ITSN2: variants seen among roughly 807,000 people sequenced by gnomAD.
ITSN2 encodes intersectin-2.
Under a neutral mutation model 243.7 loss-of-function variants are expected in ITSN2, and 156 were observed. The ratio of observed to expected loss-of-function variants is 0.64; its 90% CI spans 0.56 to 0.73. The LOEUF is 0.73. Ranked by LOEUF, ITSN2 falls within the 30% of genes least tolerant of loss-of-function variation. The pLI, the probability that ITSN2 is intolerant of heterozygous loss-of-function variation, is 0.00. For missense variants in ITSN2, 1,801 were observed against 1,996.1 expected, an observed-to-expected ratio of 0.90 and a Z score of 1.86; for synonymous variants, 703 against 699.9, an observed-to-expected ratio of 1.00 and a Z score of -0.07.
chr2:24,234,223 G>T (rs2151215643), intron 29 of ITSN2, among the ~76,000 whole-genome samples: 1 of 151,944 alleles, frequency 6.6e-6, no homozygotes, highest in Middle Eastern at 3.4e-3. Context: ...CAATACAATG[G>T]GGCAAAGATA....
chr2:24,347,335 C>A (rs1687626729), intron 1 of ITSN2, among the ~76,000 whole-genome samples: 1 of 151,890 alleles, frequency 6.6e-6, no homozygotes. Flanking sequence ...TTACAAATGA[C>A]AATTTCAAGG....
At chr2:24,266,969 A>G (rs1462978971) in intron 20 of ITSN2, among the ~76,000 whole-genome samples, 3 of 152,056 alleles carry the variant, frequency 2.0e-5, no homozygotes, top group Non-Finnish European at 4.4e-5. Context: ...TAAAATAGCT[A>G]AGCCAGAGCA....
At chr2:24,255,625 C>T (rs947315049) in intron 23 of ITSN2, among the ~76,000 whole-genome samples, 1 of 151,086 alleles carries the variant, frequency 6.6e-6, no homozygotes, top group African/African-American at 2.4e-5. Context: ...GAGACTCTGT[C>T]TTGAAAAATA....
At position 24,300,128 on chromosome 2, in the gene ITSN2, G is replaced by A. The variant is rs755903962; in HGVS notation, c.1125C>T (p.Asn375=). The change falls in exon 12 of 40, where the codon AAC becomes AAT. Residue 375 remains asparagine, a synonymous_variant. Coordinates refer to ENST00000355123, the MANE Select transcript of ITSN2 (RefSeq NM_006277.3). ...DKRKANYERG[N]MELEKRRQAL... is the part of the protein sequence containing the mutation. ...CTTGGCGTCGCTTTTCCAGCTCCAT[G>A]TTCCCTCGCTCATAGTTGGCTTTCC... 1.2e-6 allele frequency: 2 copies of A among 1,613,994 alleles called. No individual in the cohort carries two copies. Among genetic ancestry groups the A allele is most frequent in the South Asian group, 1.1e-5 (1 of 91,082 alleles).
chr2:24,319,946 C>T lies in ITSN2; in HGVS notation c.32-4722G>A, dbSNP rs1362328116. 2.6e-5 allele frequency among the ~76,000 whole-genome samples: 4 copies of T among 152,326 alleles called. No homozygotes were observed. In the East Asian group the frequency reaches 7.7e-4, roughly 29 times the overall value. On this transcript the variant is annotated intron_variant, in intron 2 of 39. Transcript: ENST00000355123. The stretch of plus-strand genomic sequence containing the variant: ...AGTCCTGGAAGGCATTCAGGTCAGC[C>T]TCAACTCACTGGCTAGGGTTGTCAG...
chr2:24,291,127 CTTTTT>C (rs976060295), intron 15 of ITSN2, among the ~76,000 whole-genome samples: 1 of 149,486 alleles, frequency 6.7e-6, no homozygotes, highest in Non-Finnish European at 1.5e-5. Flanking sequence ...ATTCAGGAAT[CTTTTT>C]TTTTTATTTT....
intron 29 of ITSN2, among the ~76,000 whole-genome samples, chr2:24,224,851 A>G (rs1362160113): frequency 6.6e-6 from 1 of 152,158 alleles, no homozygotes; most frequent in Non-Finnish European, 1.5e-5. Flanking sequence ...GCTGGTCTCC[A>G]ACTACTGGCC....
chr2:24,340,239 T>C (rs541713226), intron 1 of ITSN2, among the ~76,000 whole-genome samples: 17 of 152,172 alleles, frequency 1.1e-4, no homozygotes, highest in Non-Finnish European at 1.8e-4. Context: ...CCCAACACTT[T>C]GGGAGGCCGA....
At position 24,225,175 on chromosome 2, in the gene ITSN2, TG is replaced by T. The variant is rs763313788; in HGVS notation, c.3578-4110del. 2.0e-5 allele frequency among the ~76,000 whole-genome samples: 3 copies of T among 152,126 alleles called. No homozygotes were observed. The highest frequency in any genetic ancestry group is 4.4e-5 in the Non-Finnish European group (3 of 68,020). ...CCCCTCCCTTTCCTTCACGCTTCTA[TG>T]TTCACTCTTCGCCATTTCCTTCTTA... On this transcript the variant is annotated intron_variant, in intron 29 of 39. Transcript: ENST00000355123. The surrounding 1 kb of genome is among the most constrained non-coding windows in gnomAD (Gnocchi z 4.2).
intron 3 of ITSN2, among the ~76,000 whole-genome samples, chr2:24,314,044 T>C (rs1443871532): frequency 1.3e-5 from 2 of 152,176 alleles, no homozygotes; most frequent in Non-Finnish European, 2.9e-5. Flanking sequence ...AGGGACAAAC[T>C]TGCTTTACTG....
At chr2:24,334,437 A>T in intron 1 of ITSN2, 1 of 523,290 alleles carries the variant, frequency 1.9e-6, no homozygotes, top group Non-Finnish European at 3.6e-6. Context: ...CCAAGGTTAA[A>T]GTTTTTGTTT....
At chr2:24,292,784 C>T (rs1222196632) in intron 15 of ITSN2, among the ~76,000 whole-genome samples, 1 of 152,214 alleles carries the variant, frequency 6.6e-6, no homozygotes. Context: ...AACCACACTG[C>T]CTAGAATCAG....
chr2:24,277,317 C>G (rs771775449), intron 17 of ITSN2, among the ~76,000 whole-genome samples: 1 of 152,172 alleles, frequency 6.6e-6, no homozygotes, highest in Non-Finnish European at 1.5e-5. Context: ...CACAATAACA[C>G]AACTCCAAAC....
intron 29 of ITSN2, among the ~76,000 whole-genome samples, chr2:24,230,585 T>A (rs1180375136): frequency 6.6e-6 from 1 of 152,056 alleles, no homozygotes; most frequent in African/African-American, 2.4e-5. Context: ...CTGGCCAACA[T>A]GGTGGAACCC....
At chr2:24,347,264 C>T (rs1687622341) in intron 1 of ITSN2, among the ~76,000 whole-genome samples, 2 of 151,950 alleles carry the variant, frequency 1.3e-5, no homozygotes, top group African/African-American at 4.8e-5. Context: ...GCTAATTTAT[C>T]CAAAAATAGA....
chr2:24,240,733 G>A (rs1207076085), intron 29 of ITSN2: 1 of 152,146 alleles, frequency 6.6e-6, no homozygotes, highest in African/African-American at 2.4e-5. Flanking sequence ...ATGACTCTGT[G>A]ATTGTATATA....
chr2:24,261,232 T>C lies in ITSN2; in HGVS notation c.2556A>G (p.Gln852=), dbSNP rs1368582069. The change falls in exon 22 of 40, where the codon CAA becomes CAG. Residue 852 remains glutamine (Q), a synonymous_variant. Coordinates refer to ENST00000355123, the MANE Select transcript of ITSN2 (RefSeq NM_006277.3). The stretch of plus-strand genomic sequence containing the variant: ...TTTGATAATCAGTCACTGATGCTGG[T>C]TGATTTGAAGAAAGTGGTCTGCAAA... ...STSSEPLSSN[Q]PASVTDYQNV... The C allele has an allele frequency of 2.0e-5, 33 of 1,611,786 alleles. No homozygotes were observed. Among genetic ancestry groups the C allele is most frequent in the Admixed American group, 3.3e-5 (2 of 59,926 alleles).
chr2:24,208,634 C>T (rs1669161535), intron 36 of ITSN2, among the ~76,000 whole-genome samples: 1 of 152,216 alleles, frequency 6.6e-6, no homozygotes, highest in South Asian at 2.1e-4. Flanking sequence ...CAGCAGCACC[C>T]CCCGGGTTGG....
At chr2:24,321,873 G>C (rs1190230026) in intron 2 of ITSN2, 1 of 152,092 alleles carries the variant, frequency 6.6e-6, no homozygotes, top group Non-Finnish European at 1.5e-5. Flanking sequence ...TGAGCCCCCA[G>C]CATTAACCTA....
Sources: gnomAD v4.1 joint callset for allele counts (sites outside exome capture counted in the v4.1 genomes callset) on GRCh38, gnomAD v4.1.1 for gene constraint, Gnocchi (gnomAD v3.1) non-coding constraint, MANE v1.5 for transcripts, NCBI Gene and HGNC (gene_info 2026-07-23, HGNC 2026-07-21) for gene names.